Variants in CTSC observed in about 807,000 individuals in gnomAD.
CTSC encodes dipeptidyl peptidase 1.
In CTSC, 37 loss-of-function variants were observed where a neutral mutation model predicts 40.9. The observed-to-expected ratio is 0.91, with a 90% CI of 0.70 to 1.19. The LOEUF (loss-of-function observed/expected upper bound fraction) is 1.19, where lower values mean the gene tolerates loss of function less well. CTSC is among the 50% of genes most tolerant of loss of function. The pLI, the probability that CTSC is intolerant of heterozygous loss-of-function variation, is 0.00. For missense variants in CTSC, 594 were observed against 567.3 expected (o/e 1.05, Z -0.48); for synonymous variants, 232 against 207.4 (o/e 1.12, Z -1.02).
intron 4 of CTSC, among the ~76,000 whole-genome samples, chr11:88,308,928 A>C (rs1937691676): frequency 6.6e-6 from 1 of 152,200 alleles, no homozygotes; most frequent in Admixed American, 6.5e-5. Context: ...CAGAGTGTAG[A>C]AAATGGAAAG....
chr11:88,296,203 T>C lies in CTSC; in HGVS notation c.819A>G (p.Ile273Met), dbSNP rs752629517. Residue 273 changes from isoleucine to methionine, a missense_variant, in exon 6 of 7, where the codon ATA becomes ATG. Transcript: ENST00000227266. ...SMGMLEARIR[I>M]LTNNSQTPIL... Reference sequence around the variant, plus strand: ...TTGGGGTCTGAGAATTGTTGGTTAGTATACGGATTCTCGCTTCTAGCATAC... The same window carrying C: ...TTGGGGTCTGAGAATTGTTGGTTAGCATACGGATTCTCGCTTCTAGCATAC... The C allele has an allele frequency of 1.9e-6, 3 of 1,613,900 alleles. No individual in the cohort carries two copies. The highest frequency in any genetic ancestry group is 1.6e-4 in the Middle Eastern group (1 of 6,084).
chr11:88,306,067 T>TA (rs1937628374), intron 4 of CTSC, among the ~76,000 whole-genome samples: 1 of 152,232 alleles, frequency 6.6e-6, no homozygotes, highest in Non-Finnish European at 1.5e-5. Flanking sequence ...GGGGATATGA[T>TA]ATGCTCCGTT....
intron 2 of CTSC, among the ~76,000 whole-genome samples, chr11:88,317,354 T>C (rs572343743): frequency 1.4e-3 from 215 of 152,376 alleles, no homozygotes; most frequent in Non-Finnish European, 2.3e-3. Flanking sequence ...TTTGTTTTTG[T>C]TGTTATAACT....
chr11:88,305,247 T>C (rs1297736859), intron 4 of CTSC, among the ~76,000 whole-genome samples: 2 of 152,248 alleles, frequency 1.3e-5, no homozygotes, highest in African/African-American at 4.8e-5. Flanking sequence ...GCTCTGTCTA[T>C]GGAGTAGCCA....
At chr11:88,303,872 A>G (rs1041745000) in intron 4 of CTSC, among the ~76,000 whole-genome samples, 8 of 152,256 alleles carry the variant, frequency 5.3e-5, no homozygotes, top group African/African-American at 1.9e-4. Context: ...GGAGAAGATT[A>G]GAGTGCTGCC....
rs1938122541 is a variant in CTSC at position 88,324,524 on chromosome 11, G to A, written c.318+10413C>T. 7 of 978,108 alleles carry A rather than the reference G, an allele frequency of 7.2e-6. No individual in the cohort carries two copies. In the South Asian group the frequency reaches 3.3e-4, roughly 47 times the overall value. 60.6% of individuals were successfully genotyped at this position (978,108 alleles called of 1,614,324 possible). A position where few individuals can be genotyped will look rare whatever the true frequency, so the allele number is the denominator to read the frequency against. On this transcript the variant is annotated intron_variant, in intron 2 of 6. Transcript: ENST00000227266. ...CTACAAAATTAATTCTTTGTAAGTTGGTAATACTTGTGAAAAGTCTGCAAA... is the reference window on the plus strand; with the variant it reads ...CTACAAAATTAATTCTTTGTAAGTTAGTAATACTTGTGAAAAGTCTGCAAA...
intron 6 of CTSC, among the ~76,000 whole-genome samples, chr11:88,295,574 T>A (rs1944289504): frequency 6.6e-6 from 1 of 151,188 alleles, no homozygotes; most frequent in Non-Finnish European, 1.5e-5. Context: ...AGAGAAGGGG[T>A]TTCGCCGTGT....
At chr11:88,309,402 C>T in intron 3 of CTSC, 84 bp from the exon 4 acceptor site, 1 of 1,195,380 alleles carries the variant, frequency 8.4e-7, no homozygotes, top group Non-Finnish European at 1.2e-6. Context: ...CACTCTGTGC[C>T]TAAGTGGAAA....
At chr11:88,294,861 C>G (rs889999568) in intron 6 of CTSC, among the ~76,000 whole-genome samples, 1 of 152,274 alleles carries the variant, frequency 6.6e-6, no homozygotes, top group African/African-American at 2.4e-5. Flanking sequence ...GTACTTTCCT[C>G]ATAGGGTTAA....
At chr11:88,315,485 A>G (rs1352825689) in intron 2 of CTSC, among the ~76,000 whole-genome samples, 1 of 152,238 alleles carries the variant, frequency 6.6e-6, no homozygotes, top group Non-Finnish European at 1.5e-5. Context: ...TGAGCAAACT[A>G]AAATTGGAGA....
chr11:88,309,346 A>T lies in CTSC; in HGVS notation c.486-28T>A, dbSNP rs376601545. Reference sequence around the variant, plus strand: ...GTCCCCAAAAATGAGATAATTTCAGATATAGTCTTTACTGATGTAAATAGA... The same window carrying T: ...GTCCCCAAAAATGAGATAATTTCAGTTATAGTCTTTACTGATGTAAATAGA... On this transcript the variant is annotated intron_variant, in intron 3 of 6. Transcript: ENST00000227266. 7 of 1,579,808 alleles carry T rather than the reference A, an allele frequency of 4.4e-6. No homozygotes were observed. The African/African-American group carries it at 9.4e-5, about 21-fold the overall frequency.
intron 2 of CTSC, chr11:88,328,270 T>C (rs1938247786): frequency 6.5e-6 from 7 of 1,071,818 alleles, no homozygotes; most frequent in South Asian, 1.3e-5. Flanking sequence ...AGACATAAAA[T>C]AGTTAGGCAG....
intron 6 of CTSC, among the ~76,000 whole-genome samples, chr11:88,295,578 G>A (rs1254625572): frequency 1.3e-5 from 2 of 151,676 alleles, no homozygotes; most frequent in African/African-American, 2.4e-5. Flanking sequence ...AAGGGGTTTC[G>A]CCGTGTTGCC....
At chr11:88,317,875 C>T (rs182957405) in intron 2 of CTSC, among the ~76,000 whole-genome samples, 1 of 152,278 alleles carries the variant, frequency 6.6e-6, no homozygotes, top group Admixed American at 6.5e-5. Context: ...AGATCAAGCC[C>T]TAGTATTTAA....
At chr11:88,324,670 C>A (rs918740411) in intron 2 of CTSC, 1 of 984,646 alleles carries the variant, frequency 1.0e-6, no homozygotes, top group Non-Finnish European at 1.2e-6. Context: ...AACATGCTAC[C>A]CAATCACTCC....
At chr11:88,294,611 A>T in intron 6 of CTSC, 103 bp from the exon 7 acceptor site, 1 of 1,332,880 alleles carries the variant, frequency 7.5e-7, no homozygotes. Flanking sequence ...GTTACCCCTG[A>T]AAGTTGTTCT....
intron 2 of CTSC, chr11:88,328,096 T>C: frequency 1.3e-6 from 2 of 1,591,834 alleles, no homozygotes; most frequent in Non-Finnish European, 1.7e-6. Context: ...GTTAGAAATT[T>C]TTCAATGGAG....
At chr11:88,297,671 T>C (rs544572969) in intron 5 of CTSC, 1 of 152,340 alleles carries the variant, frequency 6.6e-6, no homozygotes, top group East Asian at 1.9e-4. Flanking sequence ...GAATGTGTTC[T>C]ATTTACAGAG....
intron 4 of CTSC, among the ~76,000 whole-genome samples, chr11:88,307,857 T>A (rs1937667645): frequency 6.6e-6 from 1 of 152,256 alleles, no homozygotes; most frequent in South Asian, 2.1e-4. Flanking sequence ...CAACGGGTTC[T>A]CCTTCCTCAC....
Sources: allele counts gnomAD v4.1 joint callset (sites outside exome capture counted in the v4.1 genomes callset), GRCh38; gene constraint gnomAD v4.1.1; transcripts MANE v1.5; gene names NCBI Gene and HGNC (gene_info 2026-07-23, HGNC 2026-07-21).